Variants in DLGAP2 observed in about 807,000 individuals in gnomAD.
DLGAP2 encodes disks large-associated protein 2.
Under a neutral mutation model 100.3 loss-of-function variants are expected in DLGAP2, and 26 were observed. That is an observed-to-expected ratio of 0.26 (90% CI 0.19 to 0.36). DLGAP2 has a LOEUF of 0.36. Among genes scored for constraint, DLGAP2 ranks in the 10% least tolerant of loss-of-function variants. The pLI, the probability that DLGAP2 is intolerant of heterozygous loss-of-function variation, is 1.00. For missense variants in DLGAP2, 1,858 were observed against 1,453.2 expected (o/e 1.28, Z -4.53); for synonymous variants, 886 against 630.1 (o/e 1.41, Z -6.08).
At chr8:1,558,300 G>A (rs1041715020) in intron 5 of DLGAP2, among the ~76,000 whole-genome samples, 7 of 152,192 alleles carry the variant, frequency 4.6e-5, no homozygotes, top group African/African-American at 9.7e-5. Flanking sequence ...TGTACACTCA[G>A]CTGTAGTGTG....
rs187964577 is a variant in DLGAP2 at position 1,187,549 on chromosome 8, T to A, written c.74-71302T>A. Among the ~76,000 whole-genome samples the A allele has an allele frequency of 6.1e-5, 9 of 147,378 alleles. 1 individual carries two copies. The East Asian group carries it at 1.9e-3, about 31-fold the overall frequency. ...GAATCTCACACACCCGGGACCTCCG[T>A]GACGTTTGCCTCACGGAATCTCGCA... On this transcript the variant is annotated intron_variant, in intron 2 of 14. Transcript: ENST00000637795.
At chr8:994,112 C>G (rs1246263713) in intron 2 of DLGAP2, among the ~76,000 whole-genome samples, 3 of 152,194 alleles carry the variant, frequency 2.0e-5, no homozygotes, top group African/African-American at 4.8e-5. Context: ...GAAATCGCCA[C>G]TGCACTACAA....
At chr8:1,004,822 G>T (rs1801060042) in intron 2 of DLGAP2, among the ~76,000 whole-genome samples, 1 of 152,196 alleles carries the variant, frequency 6.6e-6, no homozygotes, top group Non-Finnish European at 1.5e-5. Context: ...CAGCTGAAGT[G>T]TCCATGTCAA....
At chr8:1,298,320 G>T (rs1452574482) in intron 3 of DLGAP2, among the ~76,000 whole-genome samples, 1 of 152,174 alleles carries the variant, frequency 6.6e-6, no homozygotes, top group Non-Finnish European at 1.5e-5. Context: ...TCCGCTTCCT[G>T]GTCTGTCGTC....
chr8:1,691,397 C>T (rs1799256411), intron 12 of DLGAP2, 138 bp from the exon 13 acceptor site: 3 of 685,444 alleles, frequency 4.4e-6, no homozygotes, highest in South Asian at 1.9e-5. Context: ...GAGTCACCAG[C>T]GAACACGCTC....
chr8:1,661,945 G>C (rs551778994), intron 8 of DLGAP2, among the ~76,000 whole-genome samples: 1 of 152,330 alleles, frequency 6.6e-6, no homozygotes, highest in Admixed American at 6.5e-5. Context: ...TGGGTGCTCT[G>C]CCAGAGCAAG....
chr8:1,156,414 A>G (rs908234610), intron 2 of DLGAP2, among the ~76,000 whole-genome samples: 1 of 152,308 alleles, frequency 6.6e-6, no homozygotes, highest in East Asian at 1.9e-4. Flanking sequence ...GGGCCGTGGC[A>G]CACACAGTGT....
chr8:1,655,380 C>G (rs57637856), intron 8 of DLGAP2, among the ~76,000 whole-genome samples: 6,159 of 152,226 alleles, frequency 0.04, 420 homozygotes, highest in African/African-American at 0.14. Flanking sequence ...ATGCTATCAT[C>G]CTTGAAGTTC....
intron 2 of DLGAP2, among the ~76,000 whole-genome samples, chr8:1,058,429 G>A (rs879459709): frequency 2.0e-5 from 3 of 152,152 alleles, no homozygotes; most frequent in Non-Finnish European, 2.9e-5. Context: ...GTTTTGCATC[G>A]TCCAGTTCAA....
At chr8:1,056,956 A>T (rs1802899795) in intron 2 of DLGAP2, among the ~76,000 whole-genome samples, 1 of 152,228 alleles carries the variant, frequency 6.6e-6, no homozygotes. Context: ...TTTCCTAACG[A>T]TAAATCACCT....
At chr8:794,690 A>C (rs1218901595) in intron 1 of DLGAP2, among the ~76,000 whole-genome samples, 1 of 152,206 alleles carries the variant, frequency 6.6e-6, no homozygotes, top group African/African-American at 2.4e-5. Context: ...GGCCATTATG[A>C]ATATGTTACA....
At chr8:1,438,041 A>C (rs1381850519) in intron 3 of DLGAP2, among the ~76,000 whole-genome samples, 1 of 152,068 alleles carries the variant, frequency 6.6e-6, no homozygotes, top group Non-Finnish European at 1.5e-5. Context: ...GCCTAAGTTA[A>C]AATTTGGTAT....
intron 4 of DLGAP2, among the ~76,000 whole-genome samples, chr8:1,506,986 T>C (rs570189446): frequency 3.9e-5 from 6 of 152,338 alleles, no homozygotes; most frequent in African/African-American, 9.6e-5. Context: ...AGGGTGCTGA[T>C]TGGTGCATCT....
At chr8:770,532 C>T (rs182908231) in intron 1 of DLGAP2, among the ~76,000 whole-genome samples, 75 of 152,292 alleles carry the variant, frequency 4.9e-4, no homozygotes, top group Middle Eastern at 3.4e-3. Flanking sequence ...GCCAATCCCC[C>T]GCCTCCTCTC....
intron 6 of DLGAP2, among the ~76,000 whole-genome samples, chr8:1,601,628 C>T (rs189399623): frequency 2.0e-5 from 3 of 152,242 alleles, no homozygotes; most frequent in African/African-American, 7.2e-5. Flanking sequence ...CTGAAAACTC[C>T]GTGACAGATG....
At chr8:1,034,443 G>C (rs1357951877) in intron 2 of DLGAP2, among the ~76,000 whole-genome samples, 1 of 13,976 alleles carries the variant, frequency 7.2e-5, no homozygotes, top group African/African-American at 5.4e-4. Flanking sequence ...GGATTCACAC[G>C]CTCATCCCAA....
chr8:1,432,077 C>T (rs1021828949), intron 3 of DLGAP2, among the ~76,000 whole-genome samples: 2 of 152,092 alleles, frequency 1.3e-5, no homozygotes, highest in Non-Finnish European at 2.9e-5. Context: ...CACCCCATGC[C>T]AGCCAGCACT....
At chr8:1,622,878 G>T (rs994940223) in intron 6 of DLGAP2, among the ~76,000 whole-genome samples, 1 of 152,176 alleles carries the variant, frequency 6.6e-6, no homozygotes, top group African/African-American at 2.4e-5. Flanking sequence ...TTTTCAGGGG[G>T]AAGAGTCAGG....
chr8:841,612 C>T (rs1796985263), intron 1 of DLGAP2, among the ~76,000 whole-genome samples: 1 of 151,916 alleles, frequency 6.6e-6, no homozygotes, highest in Non-Finnish European at 1.5e-5. Context: ...GCTATATTGC[C>T]CAGGGTGGAG....
Sources: gnomAD v4.1 joint callset for allele counts (sites outside exome capture counted in the v4.1 genomes callset) on GRCh38, gnomAD v4.1.1 for gene constraint, MANE v1.5 for transcripts, NCBI Gene and HGNC (gene_info 2026-07-23, HGNC 2026-07-21) for gene names.